OSBPL9: variants seen among roughly 807,000 people sequenced by gnomAD.
The protein encoded by OSBPL9 is oxysterol binding protein like 9.
Under a neutral mutation model 106.6 loss-of-function variants are expected in OSBPL9, and 40 were observed. The observed-to-expected ratio is 0.38, with a 90% confidence interval of 0.29 to 0.49. The LOEUF is 0.49. Ranked by LOEUF, OSBPL9 falls within the 20% of genes least tolerant of loss-of-function variation. The pLI is 0.97. For missense variants in OSBPL9, 609 were observed against 887.2 expected, an observed-to-expected ratio of 0.69 and a Z score of 3.98; for synonymous variants, 269 against 295.4, an observed-to-expected ratio of 0.91 and a Z score of 0.92.
At chr1:51,548,657 T>C in the OSBPL9 span, among the ~76,000 whole-genome samples, 841 of 152,350 alleles carry the variant, frequency 5.5e-3, 3 homozygotes, top group African/African-American at 0.018. Flanking sequence ...CCCTCAGTCC[T>C]GGGATTACAG....
chr1:51,613,885 G>C (rs551599005), upstream of OSBPL9, among the ~76,000 whole-genome samples: 15 of 151,196 alleles, frequency 9.9e-5, no homozygotes, highest in South Asian at 3.2e-3. Flanking sequence ...AGTACTACAG[G>C]CATGAGCCAC....
At chr1:51,617,943 A>C (rs1570560863) in intron 1 of OSBPL9, among the ~76,000 whole-genome samples, 2 of 151,806 alleles carry the variant, frequency 1.3e-5, no homozygotes, top group East Asian at 3.9e-4. Context: ...ACTGTTGTTA[A>C]CATGAGTTGG....
the OSBPL9 span, among the ~76,000 whole-genome samples, chr1:51,531,044 C>G: frequency 6.6e-6 from 1 of 152,006 alleles, no homozygotes; most frequent in Non-Finnish European, 1.5e-5. Flanking sequence ...GAGGCCGAGA[C>G]AGGCAGATCA....
intron 4 of OSBPL9, among the ~76,000 whole-genome samples, chr1:51,721,767 G>A (rs539138107): frequency 1.0e-3 from 154 of 152,158 alleles, no homozygotes; most frequent in African/African-American, 3.4e-3. Flanking sequence ...AGGTGTATTC[G>A]TTCTCCCTTG....
chr1:51,609,836 C>G (rs1272567200), intron 2 of OSBPL9, among the ~76,000 whole-genome samples: 1 of 151,682 alleles, frequency 6.6e-6, no homozygotes, highest in Non-Finnish European at 1.5e-5. Flanking sequence ...CAACCTCCAC[C>G]TCCTGGGTTC....
At chr1:51,556,080 G>T in the OSBPL9 span, among the ~76,000 whole-genome samples, 1 of 151,378 alleles carries the variant, frequency 6.6e-6, no homozygotes, top group Non-Finnish European at 1.5e-5. Context: ...GTGATCTCGG[G>T]CAAGTTTGCT....
At chr1:51,585,857 T>G (rs548215759) in intron 1 of OSBPL9, among the ~76,000 whole-genome samples, 2 of 146,092 alleles carry the variant, frequency 1.4e-5, no homozygotes, top group African/African-American at 5.4e-5. Flanking sequence ...CTCTTAATTT[T>G]TAATAGTTTT....
Position 51,688,816 on chromosome 1 carries a change from T to C in OSBPL9, c.241+19304T>C, listed in dbSNP as rs148984474. On this transcript the variant is annotated intron_variant, in intron 3 of 23. Coordinates refer to ENST00000428468, the MANE Select transcript of OSBPL9 (RefSeq NM_024586.6). ...AGATGGAGTTAAAGCTTGTGGAGTG[T>C]ACTTGGATTATGTCTGAGTTTATAT... Among the ~76,000 whole-genome samples the C allele has an allele frequency of 3.1e-3, 470 of 152,298 alleles. 3 individuals carry two copies. Among genetic ancestry groups the C allele is most frequent in the African/African-American group, 0.011 (464 of 41,562 alleles).
chr1:51,787,346 GT>G lies in OSBPL9; in HGVS notation c.2001-3del. 6.2e-7 allele frequency: 1 copy of G among 1,613,516 alleles called. No homozygotes were observed. The highest frequency in any genetic ancestry group is 8.5e-7 in the Non-Finnish European group (1 of 1,179,562). ...CATTGGCAGCTCCTCTTACCTCTTTGTTTTAGCCTTTGGAAGGATGTCACTT... is the reference window on the plus strand; with the variant it reads ...CATTGGCAGCTCCTCTTACCTCTTTGTTTAGCCTTTGGAAGGATGTCACTT... On this transcript the variant is annotated splice_polypyrimidine_tract_variant and splice_region_variant and intron_variant, in intron 22 of 23. Transcript: ENST00000428468.
At chr1:51,734,834 C>T (rs985155492) in intron 4 of OSBPL9, among the ~76,000 whole-genome samples, 4 of 152,140 alleles carry the variant, frequency 2.6e-5, no homozygotes, top group Non-Finnish European at 5.9e-5. Context: ...GCCTTTCCCC[C>T]CCAAACCCTA....
At chr1:51,641,076 C>T (rs1187163704) in intron 1 of OSBPL9, among the ~76,000 whole-genome samples, 1 of 152,140 alleles carries the variant, frequency 6.6e-6, no homozygotes, top group Non-Finnish European at 1.5e-5. Context: ...GTGTGAGCCA[C>T]TGTGCGTTGC....
At chr1:51,612,830 C>A (rs573836656), upstream of OSBPL9, among the ~76,000 whole-genome samples, 181 of 152,310 alleles carry the variant, frequency 1.2e-3, no homozygotes, top group African/African-American at 4.0e-3. Context: ...TATACATAAA[C>A]AATGAAGATA....
At chr1:51,675,328 C>CT (rs1261145978) in intron 3 of OSBPL9, among the ~76,000 whole-genome samples, 1 of 151,360 alleles carries the variant, frequency 6.6e-6, no homozygotes, top group African/African-American at 2.4e-5. Flanking sequence ...TCAGATCATC[C>CT]TTTTTTTTCC....
intron 1 of OSBPL9, among the ~76,000 whole-genome samples, chr1:51,636,560 ACTT>A: frequency 6.6e-6 from 1 of 151,900 alleles, no homozygotes; most frequent in East Asian, 1.9e-4. Flanking sequence ...TTGGTCTTGA[ACTT>A]GTGAGCCCAA....
chr1:51,715,573 C>G (rs182091621), intron 4 of OSBPL9, among the ~76,000 whole-genome samples: 4 of 152,128 alleles, frequency 2.6e-5, no homozygotes, highest in African/African-American at 9.6e-5. Flanking sequence ...GCCACCACAC[C>G]TGGCCTAAGA....
At chr1:51,711,521 C>CCCCG (rs1659913404) in intron 3 of OSBPL9, among the ~76,000 whole-genome samples, 1 of 133,180 alleles carries the variant, frequency 7.5e-6, no homozygotes, top group African/African-American at 2.9e-5. Flanking sequence ...GCTGACCCCC[C>CCCCG]ACCTCCCTCC....
the OSBPL9 span, among the ~76,000 whole-genome samples, chr1:51,538,350 T>C: frequency 6.6e-6 from 1 of 152,212 alleles, no homozygotes; most frequent in Non-Finnish European, 1.5e-5. Flanking sequence ...GTTACATCCA[T>C]TCTGCTAACA....
Position 51,772,625 on chromosome 1 carries a change from G to T in OSBPL9, c.1072G>T (p.Asp358Tyr). ...TTTAGACCTGTTTGATTCACATGAT[G>T]ACAGAGATGATGATGCGGAGGCAGG... ...SDADLFDSHD[D>Y]RDDDAEAGSV... The change falls in exon 14 of 24, where the codon GAC becomes TAC. Residue 358 changes from aspartate to tyrosine, a missense_variant. Coordinates refer to ENST00000428468, the MANE Select transcript of OSBPL9 (RefSeq NM_024586.6). 6.2e-7 allele frequency: 1 copy of T among 1,614,046 alleles called. No individual in the cohort carries two copies. The highest frequency in any genetic ancestry group is 1.1e-5 in the South Asian group (1 of 91,072).
Position 51,729,582 on chromosome 1 carries a change from G to GTC in OSBPL9, c.318+15505_318+15506dup, listed in dbSNP as rs1663824208. ...CCCCACGGAGGCGGCTGGGTCGCGG[G>GTC]TCTGGGCGGGGCGCTCCGGACGCCC... is the stretch of plus-strand genomic sequence containing the variant. On this transcript the variant is annotated intron_variant, in intron 4 of 23. Coordinates refer to ENST00000428468, the MANE Select transcript of OSBPL9 (RefSeq NM_024586.6). This position sits in a 1 kb window ranked among gnomAD's most constrained non-coding sequence, Gnocchi z 5.1. The GTC allele has an allele frequency of 5.7e-6, 1 of 175,280 alleles. No homozygotes were observed. The highest frequency in any genetic ancestry group is 2.4e-5 in the African/African-American group (1 of 42,412). 10.9% of individuals were successfully genotyped at this position (175,280 alleles called of 1,614,324 possible).
Sources: gnomAD v4.1 joint callset for allele counts (sites outside exome capture counted in the v4.1 genomes callset) on GRCh38, gnomAD v4.1.1 for gene constraint, Gnocchi (gnomAD v3.1) non-coding constraint, MANE v1.5 for transcripts, NCBI Gene and HGNC (gene_info 2026-07-23, HGNC 2026-07-21) for gene names.